Variants in PPP6C observed in about 807,000 individuals in gnomAD.
The protein encoded by PPP6C is serine/threonine-protein phosphatase 6 catalytic subunit.
A neutral mutation model predicts 39.8 loss-of-function variants in PPP6C; 11 were observed. That is an observed-to-expected ratio of 0.28 (90% CI 0.17 to 0.46). PPP6C has a LOEUF of 0.46. Among genes scored for constraint, PPP6C ranks in the 20% least tolerant of loss-of-function variants. PPP6C has a pLI of 1.00. For missense variants in PPP6C, 211 were observed against 373.9 expected (o/e 0.56, Z 3.59); for synonymous variants, 129 against 130.3 (o/e 0.99, Z 0.07).
intron 2 of PPP6C, among the ~76,000 whole-genome samples, chr9:125,164,475 G>A (rs1213844374): frequency 2.0e-5 from 3 of 151,564 alleles, no homozygotes; most frequent in Admixed American, 6.6e-5. Context: ...TAATCTGCCC[G>A]CCTCAGCCTC....
chr9:125,175,691 A>G (rs552913692), intron 1 of PPP6C, among the ~76,000 whole-genome samples: 30 of 151,856 alleles, frequency 2.0e-4, no homozygotes, highest in African/African-American at 7.0e-4. Context: ...TTCTCACTTG[A>G]CTTAGATAAT....
intron 2 of PPP6C, among the ~76,000 whole-genome samples, chr9:125,164,039 T>C (rs563439643): frequency 6.6e-6 from 1 of 151,708 alleles, no homozygotes; most frequent in South Asian, 2.1e-4. Context: ...GGTTTCACCA[T>C]GTTGGCCAGG....
At chr9:125,181,409 C>T (rs1239058685) in intron 1 of PPP6C, among the ~76,000 whole-genome samples, 1 of 152,050 alleles carries the variant, frequency 6.6e-6, no homozygotes, top group Non-Finnish European at 1.5e-5. Flanking sequence ...TAGGTATCCA[C>T]GTGCCATGGT....
intron 4 of PPP6C, among the ~76,000 whole-genome samples, chr9:125,154,978 G>A (rs12378015): frequency 0.21 from 31,504 of 152,124 alleles, 4,132 homozygotes; most frequent in Non-Finnish European, 0.3. Flanking sequence ...CGCGATCACA[G>A]CTCACTGCAA....
chr9:125,184,651 G>A (rs1040744927), intron 1 of PPP6C, among the ~76,000 whole-genome samples: 1 of 151,808 alleles, frequency 6.6e-6, no homozygotes, highest in African/African-American at 2.4e-5. Flanking sequence ...ATCACATACA[G>A]GGCAGTGTTC....
At chr9:125,183,219 A>AT (rs1286781341) in intron 1 of PPP6C, among the ~76,000 whole-genome samples, 1 of 152,082 alleles carries the variant, frequency 6.6e-6, no homozygotes, top group Non-Finnish European at 1.5e-5. Context: ...TCAGACTCTC[A>AT]TATCACCGGG....
chr9:125,161,330 T>C (rs1201565101), intron 2 of PPP6C, among the ~76,000 whole-genome samples: 1 of 152,216 alleles, frequency 6.6e-6, no homozygotes, highest in African/African-American at 2.4e-5. Flanking sequence ...GACACTCCAG[T>C]GTTATACAGA....
chr9:125,155,996 G>T (rs1836062734), intron 4 of PPP6C, among the ~76,000 whole-genome samples: 1 of 151,088 alleles, frequency 6.6e-6, no homozygotes, highest in Non-Finnish European at 1.5e-5. Context: ...CATATATATA[G>T]TAGGTGTGTG....
At chr9:125,158,839 A>G (rs113220054) in intron 3 of PPP6C, among the ~76,000 whole-genome samples, 2,051 of 150,866 alleles carry the variant, frequency 0.014, 36 homozygotes, top group African/African-American at 0.046. Flanking sequence ...TGATTTTTGT[A>G]TTTTTTGTAG....
intron 2 of PPP6C, among the ~76,000 whole-genome samples, chr9:125,168,096 C>T (rs984188500): frequency 1.2e-4 from 19 of 152,166 alleles, no homozygotes; most frequent in African/African-American, 4.6e-4. Flanking sequence ...TGCTAAGGCA[C>T]GAGCAGTTTT....
rs925986493 is a variant in PPP6C at position 125,189,652 on chromosome 9, C to G, written c.67G>C (p.Asp23His). ...CCGCAAATAGGGCTCACCTTCAGGT[C>G]GTTCTCTGGCAGGTACTTGCACAGC... Reference protein sequence around the residue: ...ARLCKYLPENDLKRLCDYVCD... With the variant: ...ARLCKYLPENHLKRLCDYVCD... Residue 23 changes from aspartate to histidine, a missense_variant, in exon 1 of 7, where the codon GAC becomes CAC. Asp to His is a moderately conservative substitution (Grantham distance 81, BLOSUM62 -1). Around this residue, in one of 2 missense-constraint regions of PPP6C, gnomAD observed 43 missense variants for 31.3 expected, o/e 1.38. Transcript: ENST00000373547. 1 of 1,612,884 alleles carries G rather than the reference C, an allele frequency of 6.2e-7. No homozygotes were observed. Among genetic ancestry groups the G allele is most frequent in the Non-Finnish European group, 8.5e-7 (1 of 1,179,652 alleles).
intron 1 of PPP6C, 82 bp from the exon 2 acceptor site, chr9:125,171,262 G>T: frequency 1.8e-6 from 2 of 1,090,706 alleles, no homozygotes; most frequent in Non-Finnish European, 2.6e-6. Flanking sequence ...AAAATACCAG[G>T]TCTAATACTT....
At chr9:125,155,879 TG>T (rs1836058012) in intron 4 of PPP6C, among the ~76,000 whole-genome samples, 1 of 135,930 alleles carries the variant, frequency 7.4e-6, no homozygotes, top group Non-Finnish European at 1.5e-5. Flanking sequence ...CACTCCAGCC[TG>T]GGTGACAGAG....
At chr9:125,157,800 C>T (rs1836117154) in intron 4 of PPP6C, among the ~76,000 whole-genome samples, 1 of 151,170 alleles carries the variant, frequency 6.6e-6, no homozygotes, top group East Asian at 1.9e-4. Context: ...AAGCAATTCT[C>T]CTGCCTCAGC....
At chr9:125,158,468 T>C (rs1836133937) in intron 3 of PPP6C, 86 bp from the exon 4 acceptor site, 2 of 1,310,470 alleles carry the variant, frequency 1.5e-6, no homozygotes, top group Non-Finnish European at 2.1e-6. Flanking sequence ...AACATATAGT[T>C]TATAACTACA....
chr9:125,159,646 A>G lies in PPP6C; in HGVS notation c.237+1195T>C, dbSNP rs1233871828. 2.0e-5 allele frequency among the ~76,000 whole-genome samples: 3 copies of G among 152,216 alleles called. No homozygotes were observed. In the East Asian group the frequency reaches 5.8e-4, roughly 29 times the overall value. ...GTTTTGCATTTAACAACCATATATG[A>G]TAATATACTATTTACACTTCCCATT... On this transcript the variant is annotated intron_variant, in intron 3 of 6. Transcript: ENST00000373547.
At chr9:125,185,685 C>T (rs1829513523) in intron 1 of PPP6C, among the ~76,000 whole-genome samples, 1 of 150,528 alleles carries the variant, frequency 6.6e-6, no homozygotes, top group Non-Finnish European at 1.5e-5. Context: ...CAGAGCAAGA[C>T]TCCGTCTCAA....
At chr9:125,163,191 C>A (rs1588280758) in intron 2 of PPP6C, among the ~76,000 whole-genome samples, 1 of 151,894 alleles carries the variant, frequency 6.6e-6, no homozygotes. Context: ...CCTTATGAGG[C>A]CATGAATAAA....
intron 1 of PPP6C, among the ~76,000 whole-genome samples, chr9:125,176,758 T>C (rs933401468): frequency 3.3e-5 from 5 of 152,192 alleles, no homozygotes; most frequent in Admixed American, 2.6e-4. Flanking sequence ...CAGTTAAGTG[T>C]CTTCTATAAT....
Sources: gnomAD v4.1 joint callset for allele counts (sites outside exome capture counted in the v4.1 genomes callset) on GRCh38, gnomAD v4.1.1 for gene constraint, gnomAD v4.1.1 regional missense constraint, MANE v1.5 for transcripts, NCBI Gene and HGNC (gene_info 2026-07-23, HGNC 2026-07-21) for gene names.